Variants in MKLN1 observed in about 807,000 individuals in gnomAD.
MKLN1 encodes the protein muskelin.
Under a neutral mutation model 99.0 loss-of-function variants are expected in MKLN1, and 18 were observed. The observed-to-expected ratio is 0.18, with a 90% CI of 0.13 to 0.27. The LOEUF (loss-of-function observed/expected upper bound fraction) is 0.27. MKLN1 is among the 10% of genes least tolerant of loss of function. The pLI, the probability that MKLN1 is intolerant of heterozygous loss-of-function variation, is 1.00. For synonymous variants in MKLN1, 288 were observed against 293.2 expected (o/e 0.98, Z 0.18); for missense variants, 621 against 875.9 (o/e 0.71, Z 3.67).
At chr7:131,203,798 C>T (rs1336077962) in intron 3 of MKLN1, among the ~76,000 whole-genome samples, 2 of 152,160 alleles carry the variant, frequency 1.3e-5, no homozygotes, top group Non-Finnish European at 2.9e-5. Flanking sequence ...TAAGGGAAGA[C>T]TTGCTTTAGA....
At chr7:131,282,988 C>G (rs1243649485) in intron 3 of MKLN1, among the ~76,000 whole-genome samples, 3 of 152,174 alleles carry the variant, frequency 2.0e-5, no homozygotes, top group Non-Finnish European at 4.4e-5. Context: ...GCTCACAAGG[C>G]CAGCAGGTCA....
intron 2 of MKLN1, among the ~76,000 whole-genome samples, chr7:131,180,192 A>G (rs1796358969): frequency 6.6e-6 from 1 of 152,184 alleles, no homozygotes; most frequent in Admixed American, 6.5e-5. Context: ...TGATACTCTT[A>G]CATGTACATA....
chr7:131,275,252 T>G (rs1447904557), intron 3 of MKLN1, among the ~76,000 whole-genome samples: 2 of 151,744 alleles, frequency 1.3e-5, no homozygotes, highest in African/African-American at 4.8e-5. Context: ...GCAAGAGAGC[T>G]CTCTGAAGGC....
At chr7:131,160,838 A>G (rs1796037500) in intron 2 of MKLN1, among the ~76,000 whole-genome samples, 1 of 151,912 alleles carries the variant, frequency 6.6e-6, no homozygotes, top group Non-Finnish European at 1.5e-5. Flanking sequence ...CCCTATGTTT[A>G]ATTTAACAAA....
In MKLN1 at chr7:131,223,430, A is replaced by G. The variant is rs1025611643; in HGVS notation, c.-179+20456A>G. Reference sequence around the variant, plus strand: ...GGCTGTGCCCCAGATGACTTTGCCTAGTAAAACTGGGTTAGCAGAGAAGAA... The same window carrying G: ...GGCTGTGCCCCAGATGACTTTGCCTGGTAAAACTGGGTTAGCAGAGAAGAA... On this transcript the variant is annotated intron_variant, in intron 3 of 7. Coordinates refer to the MKLN1 transcript ENST00000416992. Among the ~76,000 whole-genome samples the G allele has an allele frequency of 4.6e-5, 7 of 152,172 alleles. 1 individual carries two copies. Among genetic ancestry groups the G allele is most frequent in the Admixed American group, 1.3e-4 (2 of 15,286 alleles).
intron 3 of MKLN1, among the ~76,000 whole-genome samples, chr7:131,296,839 C>T (rs547719183): frequency 3.9e-5 from 6 of 152,240 alleles, no homozygotes; most frequent in South Asian, 2.1e-4. Context: ...CAGGATCAAG[C>T]GATCCTTCCA....
At chr7:131,153,502 T>C (rs537399499) in intron 2 of MKLN1, among the ~76,000 whole-genome samples, 1 of 152,148 alleles carries the variant, frequency 6.6e-6, no homozygotes, top group African/African-American at 2.4e-5. Flanking sequence ...AAGATGTGAA[T>C]ATATATACAT....
intron 1 of MKLN1, among the ~76,000 whole-genome samples, chr7:131,132,947 A>AAGAAAGAAAGAAAGAAAGAAAG (rs1554526877): frequency 1.8e-5 from 1 of 56,606 alleles, no homozygotes; most frequent in African/African-American, 7.8e-5. Flanking sequence ...AAAAAAAAAA[A>AAGAAAGAAAGAAAGAAAGAAAG]AAAGAAAGAA....
rs1797350262 is a variant in MKLN1 at position 131,488,673 on chromosome 7, G to A, written c.*945G>A. The stretch of plus-strand genomic sequence containing the variant: ...CTATCTCTGTAGTATTTTCATTTGA[G>A]AGAGGAGGCTGAGTTTCCAGAGCTT... On this transcript the variant is annotated 3_prime_UTR_variant, in exon 18 of 18. Coordinates refer to ENST00000352689, the MANE Select transcript of MKLN1 (RefSeq NM_013255.5). The A allele has an allele frequency of 6.6e-6, 1 of 152,520 alleles. No homozygotes were observed. Among genetic ancestry groups the A allele is most frequent in the African/African-American group, 2.4e-5 (1 of 41,426 alleles). 9.4% of individuals were successfully genotyped at this position (152,520 alleles called of 1,614,324 possible). A position where few individuals can be genotyped will look rare whatever the true frequency, so the allele number is the denominator to read the frequency against.
chr7:131,434,468 A>G (rs1795620177), intron 9 of MKLN1, among the ~76,000 whole-genome samples: 1 of 152,148 alleles, frequency 6.6e-6, no homozygotes. Flanking sequence ...ACTTATTTCT[A>G]ATAGCTTCTT....
intron 1 of MKLN1, 200 bp downstream of exon 1, chr7:131,328,197 G>A: frequency 1.5e-6 from 1 of 649,112 alleles, no homozygotes; most frequent in Middle Eastern, 4.2e-4. Context: ...CGGAGAGCGA[G>A]CCCAGGGAGA....
chr7:131,451,861 C>G (rs1470866816), intron 12 of MKLN1, among the ~76,000 whole-genome samples: 1 of 152,152 alleles, frequency 6.6e-6, no homozygotes, highest in Non-Finnish European at 1.5e-5. Context: ...TGTCACACCA[C>G]CAGAGTTTTG....
chr7:131,484,016 A>G (rs1436909990), intron 17 of MKLN1, among the ~76,000 whole-genome samples: 1 of 151,232 alleles, frequency 6.6e-6, no homozygotes, highest in Non-Finnish European at 1.5e-5. Context: ...TTAATTTATT[A>G]TATAATGTAA....
At chr7:131,181,848 C>T (rs62472632) in intron 2 of MKLN1, among the ~76,000 whole-genome samples, 37,248 of 151,882 alleles carry the variant, frequency 0.25, 5,727 homozygotes, top group Non-Finnish European at 0.36. Flanking sequence ...TTAGTAGAGA[C>T]GAGATTTCAC....
At chr7:131,237,819 T>C (rs916625597) in intron 3 of MKLN1, among the ~76,000 whole-genome samples, 14 of 151,900 alleles carry the variant, frequency 9.2e-5, no homozygotes, top group South Asian at 2.1e-4. Flanking sequence ...GACCAAGGGA[T>C]TTGTCATGGA....
intron 3 of MKLN1, chr7:131,242,728 T>C (rs759245899): frequency 1.2e-5 from 8 of 689,302 alleles, no homozygotes; most frequent in African/African-American, 3.5e-5. Flanking sequence ...GTGGCTGGAA[T>C]TGACCGCTGT....
intron 17 of MKLN1, among the ~76,000 whole-genome samples, chr7:131,480,020 CAAAA>C (rs1224471886): frequency 3.3e-5 from 2 of 61,314 alleles, no homozygotes; most frequent in African/African-American, 4.8e-5. Flanking sequence ...GACTCCATCT[CAAAA>C]AAAAAAAAAA....
chr7:131,278,323 C>T (rs371614725), intron 3 of MKLN1, among the ~76,000 whole-genome samples: 1 of 152,114 alleles, frequency 6.6e-6, no homozygotes, highest in African/African-American at 2.4e-5. Flanking sequence ...CAGGTATGAG[C>T]CACTGTGCCT....
rs1459701190 is a variant in MKLN1, at chr7:131,478,540, A to G, written c.2032-83A>G. 4 of 1,371,204 alleles carry G rather than the reference A, an allele frequency of 2.9e-6. No individual in the cohort carries two copies. In the Admixed American group the frequency reaches 8.6e-5, roughly 30 times the overall value. The allele number at this position is 1,371,204 out of a possible 1,614,324, so 84.9% of individuals were successfully genotyped here. ...AATACGTAGTTGCTGATAAATGGTC[A>G]AAGTTATAGAAGGCTATTTTCCTTC... On this transcript the variant is annotated intron_variant, in intron 16 of 17. Transcript: ENST00000352689.
Sources: allele counts gnomAD v4.1 joint callset (sites outside exome capture counted in the v4.1 genomes callset), GRCh38; gene constraint gnomAD v4.1.1; transcripts MANE v1.5; gene names NCBI Gene and HGNC (gene_info 2026-07-23, HGNC 2026-07-21).